NRXN3: variants seen among roughly 807,000 people sequenced by gnomAD.
The protein encoded by NRXN3 is neurexin III.
NRXN3 carries 32 observed loss-of-function variants against 137.6 expected under a neutral mutation model. The ratio of observed to expected loss-of-function variants is 0.23; its 90% CI spans 0.18 to 0.31. The LOEUF (loss-of-function observed/expected upper bound fraction) is 0.31, where lower values mean the gene tolerates loss of function less well. Among genes scored for constraint, NRXN3 ranks in the 10% least tolerant of loss-of-function variants. The pLI is 1.00. For missense variants in NRXN3, 1,574 were observed against 2,062.5 expected, an observed-to-expected ratio of 0.76 and a Z score of 4.59; for synonymous variants, 798 against 784.5, an observed-to-expected ratio of 1.02 and a Z score of -0.29.
chr14:78,881,934 G>A (rs1385977300), intron 10 of NRXN3, among the ~76,000 whole-genome samples: 1 of 151,602 alleles, frequency 6.6e-6, no homozygotes, highest in East Asian at 1.9e-4. Context: ...AGGGAAAAAT[G>A]GTTTCCTGGG....
intron 4 of NRXN3, among the ~76,000 whole-genome samples, chr14:78,540,246 C>G (rs895196015): frequency 6.6e-6 from 1 of 152,074 alleles, no homozygotes; most frequent in Non-Finnish European, 1.5e-5. Flanking sequence ...GAGTCTAAGT[C>G]TCTTTGTAGG....
intron 10 of NRXN3, among the ~76,000 whole-genome samples, chr14:78,811,377 G>C (rs2098912087): frequency 6.6e-6 from 1 of 152,164 alleles, no homozygotes; most frequent in African/African-American, 2.4e-5. Flanking sequence ...GGAAGAGAGA[G>C]AGAGAGAGAG....
chr14:79,796,889 G>A (rs1387469462), intron 19 of NRXN3, among the ~76,000 whole-genome samples: 3 of 152,068 alleles, frequency 2.0e-5, no homozygotes, highest in South Asian at 2.1e-4. Flanking sequence ...GTTGGGTGAC[G>A]CTTATGAGCC....
rs192329290 is a variant in NRXN3, at chr14:78,222,339, C to A, written c.-703-20052C>A. Among the ~76,000 whole-genome samples the A allele has an allele frequency of 6.0e-3, 908 of 152,190 alleles. 10 individuals carry two copies. Among genetic ancestry groups the A allele is most frequent in the Admixed American group, 0.026 (393 of 15,304 alleles). The stretch of plus-strand genomic sequence containing the variant: ...AAGGGCACACACACACACATACACA[C>A]ACACACACACACACACAGCTGCTAG... On this transcript the variant is annotated intron_variant, in intron 1 of 20. Transcript: ENST00000335750.
chr14:78,883,359 T>G (rs154318), intron 10 of NRXN3, among the ~76,000 whole-genome samples: 39,914 of 152,020 alleles, frequency 0.26, 8,315 homozygotes, highest in African/African-American at 0.57. Flanking sequence ...TTGAGATAAT[T>G]AATAAGTGAG....
At chr14:79,830,176 T>C (rs2099318580) in intron 20 of NRXN3, among the ~76,000 whole-genome samples, 1 of 152,228 alleles carries the variant, frequency 6.6e-6, no homozygotes, top group African/African-American at 2.4e-5. Context: ...AATGAAGTTC[T>C]AGGGAGCATT....
chr14:79,473,952 T>C (rs75161301), intron 16 of NRXN3, among the ~76,000 whole-genome samples: 5,938 of 152,238 alleles, frequency 0.039, 269 homozygotes, highest in African/African-American at 0.11. Context: ...TAACCTGGAC[T>C]AGAGGCAGCT....
intron 10 of NRXN3, among the ~76,000 whole-genome samples, chr14:78,935,563 TGTTACTGTTTCGAGAATA>T (rs2099334913): frequency 6.6e-6 from 1 of 152,186 alleles, no homozygotes; most frequent in Admixed American, 6.5e-5. Flanking sequence ...TGTACACAGT[TGTTACTGTTTCGAGAATA>T]TTGACAAGGA....
intron 19 of NRXN3, among the ~76,000 whole-genome samples, chr14:79,727,230 C>A (rs1342551128): frequency 1.3e-5 from 2 of 152,048 alleles, no homozygotes; most frequent in Non-Finnish European, 2.9e-5. Flanking sequence ...ACTACGATGA[C>A]CACAATTTAG....
intron 15 of NRXN3, among the ~76,000 whole-genome samples, chr14:79,443,551 A>G (rs2096004433): frequency 6.6e-6 from 1 of 152,170 alleles, no homozygotes. Context: ...GAAATTAACC[A>G]ATATTATAGT....
At chr14:79,495,329 C>A (rs568791564) in intron 16 of NRXN3, among the ~76,000 whole-genome samples, 3 of 152,196 alleles carry the variant, frequency 2.0e-5, no homozygotes, top group African/African-American at 7.2e-5. Flanking sequence ...CCCTTAGGTA[C>A]AAGGATGCCA....
In NRXN3 at chr14:79,121,367, G is replaced by C. The variant is rs115262306; in HGVS notation, c.3262+133226G>C. ...TTGCTGGTATAAATGATAGCTGCAT[G>C]AGGGCTTACCAATAAGTGAGGAATG... On this transcript the variant is annotated intron_variant, in intron 15 of 20. Transcript: ENST00000335750. 8.1e-3 allele frequency among the ~76,000 whole-genome samples: 1,232 copies of C among 152,278 alleles called. 14 individuals carry two copies. Among genetic ancestry groups the C allele is most frequent in the African/African-American group, 0.028 (1,148 of 41,568 alleles).
chr14:78,364,709 TAG>T (rs2085645997), intron 4 of NRXN3, among the ~76,000 whole-genome samples: 2 of 152,186 alleles, frequency 1.3e-5, no homozygotes, highest in African/African-American at 4.8e-5. Flanking sequence ...ATTTATGTGT[TAG>T]GTGATCTAAT....
intron 4 of NRXN3, among the ~76,000 whole-genome samples, chr14:78,330,308 C>T (rs1227110432): frequency 2.0e-5 from 3 of 152,026 alleles, no homozygotes; most frequent in Non-Finnish European, 2.9e-5. Context: ...CCACAATGTG[C>T]CTTATGAGTT....
At chr14:79,316,247 G>A (rs901313585) in intron 15 of NRXN3, among the ~76,000 whole-genome samples, 6 of 152,098 alleles carry the variant, frequency 3.9e-5, no homozygotes, top group East Asian at 3.8e-4. Context: ...AATGTATCTC[G>A]TTGTTGACTC....
At chr14:79,438,454 T>C (rs969783406) in intron 15 of NRXN3, among the ~76,000 whole-genome samples, 2 of 152,198 alleles carry the variant, frequency 1.3e-5, no homozygotes, top group Admixed American at 6.5e-5. Flanking sequence ...TGGTTCCAGG[T>C]AAAGAAGTAC....
intron 16 of NRXN3, among the ~76,000 whole-genome samples, chr14:79,576,424 A>G (rs1299291807): frequency 6.6e-6 from 1 of 152,206 alleles, no homozygotes; most frequent in Non-Finnish European, 1.5e-5. Context: ...TCATGTATTT[A>G]TGTCACAAAT....
chr14:79,689,341 C>G (rs1434217993), intron 17 of NRXN3, among the ~76,000 whole-genome samples: 2 of 152,074 alleles, frequency 1.3e-5, no homozygotes, highest in Non-Finnish European at 2.9e-5. Flanking sequence ...TTCAGTCAAA[C>G]TAGCAAATGA....
chr14:78,383,831 C>T (rs906215353), intron 4 of NRXN3, among the ~76,000 whole-genome samples: 1 of 152,086 alleles, frequency 6.6e-6, no homozygotes, highest in African/African-American at 2.4e-5. Context: ...CTTGCCTTTG[C>T]CCAATTTCCC....
Sources: gnomAD v4.1 joint callset for allele counts (sites outside exome capture counted in the v4.1 genomes callset) on GRCh38, gnomAD v4.1.1 for gene constraint, MANE v1.5 for transcripts, NCBI Gene and HGNC (gene_info 2026-07-23, HGNC 2026-07-21) for gene names.